NAALADL2: variants seen among roughly 807,000 people sequenced by gnomAD.
The protein encoded by NAALADL2 is N-acetylated alpha-linked acidic dipeptidase like 2.
In NAALADL2, 76 loss-of-function variants were observed where a neutral mutation model predicts 87.2. The observed-to-expected ratio is 0.87, with a 90% confidence interval of 0.72 to 1.05. The LOEUF is 1.05. Ranked by LOEUF, NAALADL2 falls within the 50% of genes least tolerant of loss-of-function variation. The probability of loss-of-function intolerance (pLI) is 0.00; values close to 1 mark genes in which losing one functional copy is unlikely to be tolerated. For missense variants in NAALADL2, 1,089 were observed against 945.8 expected (o/e 1.15, Z -1.99); for synonymous variants, 354 against 331.0 (o/e 1.07, Z -0.75).
At chr3:174,901,203 A>G (rs1405054713) in intron 1 of NAALADL2, among the ~76,000 whole-genome samples, 5 of 152,182 alleles carry the variant, frequency 3.3e-5, no homozygotes, top group African/African-American at 1.2e-4. Context: ...GGACTTACCA[A>G]TGATGTGGCA....
In NAALADL2 at chr3:175,095,700, C is replaced by A. The variant is rs183395014; in HGVS notation, c.44-1090C>A. ...TTTTCATAGGAATTTACTTGTCTAC[C>A]ACGATTCCTAAGGCAATTAGCTTAT... On this transcript the variant is annotated intron_variant, in intron 1 of 13. Transcript: ENST00000454872. Among the ~76,000 whole-genome samples, 1,061 of 152,034 alleles carry A rather than the reference C, an allele frequency of 7.0e-3. 8 individuals carry two copies. The highest frequency in any genetic ancestry group is 9.4e-3 in the Non-Finnish European group (638 of 67,974).
At chr3:175,315,515 CT>C (rs1210578938) in intron 4 of NAALADL2, among the ~76,000 whole-genome samples, 1 of 152,070 alleles carries the variant, frequency 6.6e-6, no homozygotes, top group Non-Finnish European at 1.5e-5. Flanking sequence ...GAATAAAACA[CT>C]TTTTGAAGAA....
At chr3:175,237,446 A>G (rs1195778402) in intron 3 of NAALADL2, among the ~76,000 whole-genome samples, 2 of 152,120 alleles carry the variant, frequency 1.3e-5, no homozygotes, top group Non-Finnish European at 2.9e-5. Context: ...TAGAAACTAG[A>G]AATGTGAATT....
At chr3:174,458,941 A>C (rs1716029311) in intron 1 of NAALADL2, among the ~76,000 whole-genome samples, 1 of 152,134 alleles carries the variant, frequency 6.6e-6, no homozygotes, top group Admixed American at 6.5e-5. Context: ...TAACATGATC[A>C]AAGTAGCAAG....
At chr3:175,781,707 ATTTT>A (rs886962164) in intron 13 of NAALADL2, among the ~76,000 whole-genome samples, 6 of 149,156 alleles carry the variant, frequency 4.0e-5, no homozygotes, top group Admixed American at 6.7e-5. Flanking sequence ...TAACGCTTTT[ATTTT>A]TTTTATTTTT....
intron 5 of NAALADL2, among the ~76,000 whole-genome samples, chr3:175,324,720 G>T (rs1760467610): frequency 6.6e-6 from 1 of 152,080 alleles, no homozygotes; most frequent in African/African-American, 2.4e-5. Flanking sequence ...TTAAGTCCAG[G>T]GTTTAGAGGT....
chr3:175,450,715 G>A (rs2149234247), intron 6 of NAALADL2, among the ~76,000 whole-genome samples: 1 of 152,224 alleles, frequency 6.6e-6, no homozygotes, highest in East Asian at 1.9e-4. Flanking sequence ...TCTATTTCTA[G>A]GGATATTGCC....
At chr3:175,533,270 T>G (rs1734346050) in intron 9 of NAALADL2, among the ~76,000 whole-genome samples, 1 of 152,220 alleles carries the variant, frequency 6.6e-6, no homozygotes, top group African/African-American at 2.4e-5. Flanking sequence ...ACTCAAGCAG[T>G]TATTTTCAAG....
chr3:174,715,867 GT>G (rs1418930752), intron 2 of NAALADL2, among the ~76,000 whole-genome samples: 3 of 152,008 alleles, frequency 2.0e-5, no homozygotes, highest in Non-Finnish European at 4.4e-5. Context: ...ATTTTTCTAG[GT>G]TTCAGTTCTA....
chr3:175,771,547 C>G (rs1050235495), intron 13 of NAALADL2, among the ~76,000 whole-genome samples: 20 of 152,132 alleles, frequency 1.3e-4, no homozygotes, highest in Admixed American at 9.8e-4. Flanking sequence ...TTCTCTGGCT[C>G]TAAGGGAGAA....
intron 11 of NAALADL2, among the ~76,000 whole-genome samples, chr3:175,654,932 C>CT (rs75686469): frequency 0.011 from 1,619 of 141,988 alleles, 11 homozygotes; most frequent in African/African-American, 0.027. Context: ...TGCAAGATAT[C>CT]TTTTTTTTTT....
At chr3:174,659,855 A>G (rs1439470360) in intron 2 of NAALADL2, among the ~76,000 whole-genome samples, 2 of 152,120 alleles carry the variant, frequency 1.3e-5, no homozygotes, top group East Asian at 3.9e-4. Context: ...AAGACCCAGA[A>G]GCTTCCCACT....
intron 5 of NAALADL2, among the ~76,000 whole-genome samples, chr3:175,346,937 A>T (rs985608915): frequency 1.3e-5 from 2 of 152,204 alleles, no homozygotes; most frequent in Admixed American, 1.3e-4. Flanking sequence ...AGCATCTAAG[A>T]AATGTTAGAA....
At chr3:174,850,602 G>T (rs1579198670) in intron 3 of NAALADL2, among the ~76,000 whole-genome samples, 1 of 152,086 alleles carries the variant, frequency 6.6e-6, no homozygotes, top group Non-Finnish European at 1.5e-5. Context: ...CTGAATGCTA[G>T]AGTACCCAGA....
chr3:174,976,936 A>C (rs1342550615), intron 1 of NAALADL2, among the ~76,000 whole-genome samples: 1 of 152,204 alleles, frequency 6.6e-6, no homozygotes, highest in South Asian at 2.1e-4. Context: ...GATTTCATCT[A>C]GTTCCCAGAT....
chr3:175,327,171 T>TTTTTTTTTC (rs1760830976), intron 5 of NAALADL2, among the ~76,000 whole-genome samples: 1 of 118,492 alleles, frequency 8.4e-6, no homozygotes, highest in African/African-American at 3.8e-5. Flanking sequence ...TTTTTTTTTT[T>TTTTTTTTTC]CTGAGATGGA....
At chr3:174,753,380 C>T (rs1398063469) in intron 3 of NAALADL2, among the ~76,000 whole-genome samples, 1 of 152,148 alleles carries the variant, frequency 6.6e-6, no homozygotes, top group Non-Finnish European at 1.5e-5. Context: ...CTGGTGATCC[C>T]CTTTTTTTCT....
At chr3:174,868,080 G>A (rs1421471872) in intron 1 of NAALADL2, among the ~76,000 whole-genome samples, 1 of 152,020 alleles carries the variant, frequency 6.6e-6, no homozygotes, top group African/African-American at 2.4e-5. Flanking sequence ...CAGACATAAT[G>A]CTAAGGTACT....
chr3:175,190,840 T>C (rs1022229909), intron 2 of NAALADL2, among the ~76,000 whole-genome samples: 1 of 150,888 alleles, frequency 6.6e-6, no homozygotes, highest in African/African-American at 2.4e-5. Context: ...TAGCCGGGCG[T>C]GGTGGCGGGC....
Sources: allele counts gnomAD v4.1 joint callset (sites outside exome capture counted in the v4.1 genomes callset), GRCh38; gene constraint gnomAD v4.1.1; transcripts MANE v1.5; gene names NCBI Gene and HGNC (gene_info 2026-07-23, HGNC 2026-07-21).